The following LAPTM4B variants were observed in gnomAD, a reference collection of about 807,000 sequenced individuals.
The protein encoded by LAPTM4B is lysosomal-associated transmembrane protein 4B.
LAPTM4B carries 26 observed loss-of-function variants against 28.5 expected under a neutral mutation model. The ratio of observed to expected loss-of-function variants is 0.91; its 90% CI spans 0.67 to 1.27. The LOEUF (loss-of-function observed/expected upper bound fraction) is 1.27. Among genes scored for constraint, LAPTM4B ranks in the 50% most tolerant of loss-of-function variants. LAPTM4B has a pLI of 0.00. For missense variants in LAPTM4B, 288 were observed against 285.8 expected (o/e 1.01, Z -0.06); for synonymous variants, 109 against 106.4 (o/e 1.02, Z -0.15).
At position 97,784,238 on chromosome 8, in the gene LAPTM4B, G is replaced by A. The variant is rs113992514; in HGVS notation, c.99+8130G>A. 7.6e-3 allele frequency among the ~76,000 whole-genome samples: 1,152 copies of A among 152,226 alleles called. 19 individuals carry two copies. Among genetic ancestry groups the A allele is most frequent in the African/African-American group, 0.026 (1,064 of 41,542 alleles). ...ACTGTCAGATTCTGTGACTTGGCCC[G>A]TAATTTCAGGATAGAATAACGGACT... On this transcript the variant is annotated intron_variant, in intron 1 of 6. Transcript: ENST00000521545.
chr8:97,835,988 A>G (rs1374399271), intron 6 of LAPTM4B, among the ~76,000 whole-genome samples: 6 of 152,164 alleles, frequency 3.9e-5, no homozygotes, highest in Non-Finnish European at 7.3e-5. Flanking sequence ...TGCACATGCA[A>G]CGGATCTAGG....
chr8:97,795,657 A>G (rs956294838), intron 1 of LAPTM4B, among the ~76,000 whole-genome samples: 4 of 151,962 alleles, frequency 2.6e-5, no homozygotes, highest in Admixed American at 2.6e-4. Context: ...GTTTGAGACC[A>G]GCCTGGCCAA....
chr8:97,822,039 A>G (rs1432035569), intron 5 of LAPTM4B, among the ~76,000 whole-genome samples: 1 of 152,258 alleles, frequency 6.6e-6, no homozygotes, highest in Admixed American at 6.5e-5. Context: ...TGAATTTTAC[A>G]CACGGATGTT....
At chr8:97,843,916 C>G (rs1817390786) in intron 6 of LAPTM4B, among the ~76,000 whole-genome samples, 1 of 152,158 alleles carries the variant, frequency 6.6e-6, no homozygotes, top group Non-Finnish European at 1.5e-5. Context: ...AAGATCCATT[C>G]TATAAATTCC....
At chr8:97,794,870 T>C (rs553647509) in intron 1 of LAPTM4B, among the ~76,000 whole-genome samples, 2 of 152,050 alleles carry the variant, frequency 1.3e-5, no homozygotes, top group Admixed American at 1.3e-4. Flanking sequence ...CCCGCCACCA[T>C]GCCCGGCTAA....
intron 1 of LAPTM4B, among the ~76,000 whole-genome samples, chr8:97,786,962 G>A (rs559369104): frequency 2.2e-3 from 331 of 152,228 alleles, no homozygotes; most frequent in Non-Finnish European, 3.5e-3. Flanking sequence ...GGGAGTGTTG[G>A]CCAACATTGT....
chr8:97,843,383 C>T lies in LAPTM4B; in HGVS notation c.604-8014C>T, dbSNP rs140528407. On this transcript the variant is annotated intron_variant, in intron 6 of 6. Coordinates refer to ENST00000521545, the MANE Select transcript of LAPTM4B (RefSeq NM_018407.6). ...CAGAGATTGCAGTGAGCCAAGATTG[C>T]GCCATTGGACTGAGACTCCGTCTCA... 5.7e-3 allele frequency among the ~76,000 whole-genome samples: 860 copies of T among 152,118 alleles called. 6 individuals are homozygous for T. Among genetic ancestry groups the T allele is most frequent in the African/African-American group, 0.02 (817 of 41,558 alleles).
chr8:97,833,094 G>T (rs1172995195), intron 6 of LAPTM4B, among the ~76,000 whole-genome samples: 1 of 151,818 alleles, frequency 6.6e-6, no homozygotes, highest in Admixed American at 6.6e-5. Context: ...AGCACTTCGG[G>T]AGGCCGAGGT....
chr8:97,785,936 G>A (rs945247008), intron 1 of LAPTM4B, among the ~76,000 whole-genome samples: 4 of 152,196 alleles, frequency 2.6e-5, no homozygotes, highest in Non-Finnish European at 4.4e-5. Context: ...AAAGTATTAA[G>A]TTAACATGAG....
intron 1 of LAPTM4B, among the ~76,000 whole-genome samples, chr8:97,789,354 G>T (rs1816461907): frequency 6.9e-6 from 1 of 144,192 alleles, no homozygotes; most frequent in South Asian, 2.2e-4. Context: ...GATTACAAGT[G>T]TGAGCCACCA....
intron 5 of LAPTM4B, among the ~76,000 whole-genome samples, chr8:97,822,528 T>TTTTATTTATTTA (rs57772211): frequency 3.4e-4 from 49 of 143,420 alleles, no homozygotes; most frequent in African/African-American, 4.3e-4. Flanking sequence ...ATGACTTCTA[T>TTTTATTTATTTA]TTTATTTATT....
At chr8:97,779,254 G>T (rs1401891993) in intron 1 of LAPTM4B, among the ~76,000 whole-genome samples, 1 of 152,182 alleles carries the variant, frequency 6.6e-6, no homozygotes, top group Non-Finnish European at 1.5e-5. Flanking sequence ...GCTGAGGCGG[G>T]CAGATCATTG....
chr8:97,812,188 T>G (rs921600131), intron 2 of LAPTM4B, among the ~76,000 whole-genome samples: 6 of 149,302 alleles, frequency 4.0e-5, no homozygotes, highest in African/African-American at 1.5e-4. Flanking sequence ...TTTTAAAGGA[T>G]AAGTAAATTA....
intron 2 of LAPTM4B, among the ~76,000 whole-genome samples, chr8:97,811,292 C>A (rs962493354): frequency 3.3e-5 from 5 of 152,108 alleles, no homozygotes; most frequent in Non-Finnish European, 5.9e-5. Context: ...TAGATATATA[C>A]CCTAGGGAAA....
intron 6 of LAPTM4B, among the ~76,000 whole-genome samples, chr8:97,842,455 G>A (rs1817364512): frequency 1.3e-5 from 2 of 152,072 alleles, no homozygotes; most frequent in Non-Finnish European, 2.9e-5. Flanking sequence ...GATCTGAATT[G>A]AACTATTCCC....
rs1199893688 is a variant in LAPTM4B, at chr8:97,851,443, A to T, written c.650A>T (p.Lys217Met). Residue 217 changes from lysine to methionine, a missense_variant, in exon 7 of 7, where the codon AAG (lysine) becomes ATG (methionine). Coordinates refer to ENST00000521545, the MANE Select transcript of LAPTM4B (RefSeq NM_018407.6). ...GATGCCACTGTGAATGGTGCTGCCAAGGAGCCACCGCCACCTTACGTGTCT... is the reference window on the plus strand; with the variant it reads ...GATGCCACTGTGAATGGTGCTGCCATGGAGCCACCGCCACCTTACGTGTCT... Reference protein sequence around the residue: ...YDDATVNGAAKEPPPPYVSA With the variant: ...YDDATVNGAAMEPPPPYVSA 2 of 1,614,022 alleles carry T rather than the reference A, an allele frequency of 1.2e-6. No individual in the cohort carries two copies. Among genetic ancestry groups the T allele is most frequent in the Non-Finnish European group, 1.7e-6 (2 of 1,180,028 alleles).
chr8:97,810,883 C>T (rs1023099497), intron 2 of LAPTM4B, among the ~76,000 whole-genome samples: 2 of 152,174 alleles, frequency 1.3e-5, no homozygotes, highest in Non-Finnish European at 1.5e-5. Flanking sequence ...TATATACAGT[C>T]ACCTGATTTA....
In LAPTM4B at chr8:97,848,214, A is replaced by G. The variant is rs955705886; in HGVS notation, c.604-3183A>G. Reference sequence around the variant, plus strand: ...GAGGTGGAGGTTGCACTCAGCCGAGATCGCGCCACTGCACTCCAGCCTGGG... The same window carrying G: ...GAGGTGGAGGTTGCACTCAGCCGAGGTCGCGCCACTGCACTCCAGCCTGGG... On this transcript the variant is annotated intron_variant, in intron 6 of 6. Coordinates refer to ENST00000521545, the MANE Select transcript of LAPTM4B (RefSeq NM_018407.6). Among the ~76,000 whole-genome samples, 3 of 152,222 alleles carry G rather than the reference A, an allele frequency of 2.0e-5. No individual in the cohort carries two copies. In the South Asian group the frequency reaches 6.2e-4, roughly 31 times the overall value.
chr8:97,782,998 C>G (rs1816346288), intron 1 of LAPTM4B, among the ~76,000 whole-genome samples: 1 of 149,584 alleles, frequency 6.7e-6, no homozygotes, highest in South Asian at 2.1e-4. Context: ...GTCTCAAACT[C>G]CCGACCTCAG....
Sources: gnomAD v4.1 joint callset for allele counts (sites outside exome capture counted in the v4.1 genomes callset) on GRCh38, gnomAD v4.1.1 for gene constraint, MANE v1.5 for transcripts, NCBI Gene and HGNC (gene_info 2026-07-23, HGNC 2026-07-21) for gene names.